The following JAKMIP1 variants were observed in gnomAD, a reference collection of about 807,000 sequenced individuals.
JAKMIP1 encodes janus kinase and microtubule interacting protein 1.
A neutral mutation model predicts 113.0 loss-of-function variants in JAKMIP1; 33 were observed. The ratio of observed to expected loss-of-function variants is 0.29; its 90% CI spans 0.22 to 0.39. JAKMIP1 has a LOEUF of 0.39. Among genes scored for constraint, JAKMIP1 ranks in the 10% least tolerant of loss-of-function variants. The probability of loss-of-function intolerance (pLI) is 1.00; values close to 1 mark genes in which losing one functional copy is unlikely to be tolerated. For missense variants in JAKMIP1, 813 were observed against 1,080.5 expected (o/e 0.75, Z 3.47); for synonymous variants, 480 against 459.9 (o/e 1.04, Z -0.56).
Position 6,104,296 on chromosome 4 carries a change from G to A in JAKMIP1, c.624+1177C>T, listed in dbSNP as rs186471254. Among the ~76,000 whole-genome samples, 11 of 152,246 alleles carry A rather than the reference G, an allele frequency of 7.2e-5. No individual in the cohort carries two copies. The East Asian group carries it at 9.7e-4, about 13-fold the overall frequency. Reference sequence around the variant, plus strand: ...ACTGTTTGCTGAGAGAAGCGTGTTCGTCCCCAACCGTAACTGTGGATTTGT... The same window carrying A: ...ACTGTTTGCTGAGAGAAGCGTGTTCATCCCCAACCGTAACTGTGGATTTGT... On this transcript the variant is annotated intron_variant, in intron 3 of 20. Transcript: ENST00000409021.
chr4:6,133,587 A>C (rs1214543313), intron 1 of JAKMIP1, among the ~76,000 whole-genome samples: 1 of 152,172 alleles, frequency 6.6e-6, no homozygotes, highest in Non-Finnish European at 1.5e-5. Flanking sequence ...AATGCCTGAT[A>C]GTGGGTGGTG....
At chr4:6,182,016 G>A (rs1229820414) in intron 1 of JAKMIP1, among the ~76,000 whole-genome samples, 1 of 152,132 alleles carries the variant, frequency 6.6e-6, no homozygotes, top group Non-Finnish European at 1.5e-5. Flanking sequence ...ACAGTGTTAT[G>A]GAGTGAATGT....
At chr4:6,118,003 AG>A (rs1189828981) in intron 1 of JAKMIP1, among the ~76,000 whole-genome samples, 14 of 152,332 alleles carry the variant, frequency 9.2e-5, no homozygotes, top group African/African-American at 3.4e-4. Flanking sequence ...CAATTATTAC[AG>A]GGTCCTGAGA....
intron 1 of JAKMIP1, among the ~76,000 whole-genome samples, chr4:6,191,255 C>T (rs951034977): frequency 2.0e-5 from 3 of 152,186 alleles, no homozygotes; most frequent in African/African-American, 7.2e-5. Context: ...TCTACCCCTG[C>T]GCTCCTCACC....
intron 1 of JAKMIP1, among the ~76,000 whole-genome samples, chr4:6,147,155 T>G (rs2108974002): frequency 6.6e-6 from 1 of 152,160 alleles, no homozygotes; most frequent in South Asian, 2.1e-4. Context: ...AGAGACAGGG[T>G]TTCACCATGT....
rs1717838607 is a variant in JAKMIP1 at position 6,064,910 on chromosome 4, G to T, written c.1401C>A (p.Thr467=). Residue 467 remains threonine (T), a synonymous_variant, in exon 9 of 21, where the codon ACC becomes ACA. Transcript: ENST00000409021. This position sits in a 1 kb window ranked among gnomAD's most constrained non-coding sequence, Gnocchi z 4.3. Reference sequence around the variant, plus strand: ...CCAAGTCTTCTTCGGGCGTGGCTGGGGTCCTGTCTGTCCTGTCTGTGTTGT... The same window carrying T: ...CCAAGTCTTCTTCGGGCGTGGCTGGTGTCCTGTCTGTCCTGTCTGTGTTGT... ...TSYNTDRTDR[T]PATPEEDLDD... 1.2e-6 allele frequency: 2 copies of T among 1,613,984 alleles called. No homozygotes were observed. The highest frequency in any genetic ancestry group is 1.3e-5 in the African/African-American group (1 of 74,882).
At chr4:6,113,917 G>A (rs1421664661) in intron 1 of JAKMIP1, among the ~76,000 whole-genome samples, 4 of 150,898 alleles carry the variant, frequency 2.7e-5, no homozygotes, top group Non-Finnish European at 6.0e-5. Context: ...ATCAGGATCC[G>A]CCAGGTGCGT....
At chr4:6,036,701 AG>A (rs1282190334) in intron 18 of JAKMIP1, among the ~76,000 whole-genome samples, 1 of 152,244 alleles carries the variant, frequency 6.6e-6, no homozygotes, top group African/African-American at 2.4e-5. Flanking sequence ...TCATCATTAC[AG>A]GATGTTACTC....
chr4:6,094,253 C>T lies in JAKMIP1; in HGVS notation c.625-8624G>A, dbSNP rs1462959784. Among the ~76,000 whole-genome samples the T allele has an allele frequency of 6.6e-6, 1 of 152,244 alleles. No individual in the cohort carries two copies. The highest frequency in any genetic ancestry group is 2.4e-5 in the African/African-American group (1 of 41,458). On this transcript the variant is annotated intron_variant, in intron 3 of 20. Coordinates refer to ENST00000409021, the MANE Select transcript of JAKMIP1 (RefSeq NM_001099433.2). The surrounding 1 kb of genome is among the most constrained non-coding windows in gnomAD (Gnocchi z 4.2). The stretch of plus-strand genomic sequence containing the variant: ...CTGGGTCTAGCTCACAGCAGGTGCT[C>T]ACCAAATGGAGTGCCCGGAAAATAT...
At chr4:6,161,389 C>T (rs1373681263) in intron 1 of JAKMIP1, among the ~76,000 whole-genome samples, 2 of 152,156 alleles carry the variant, frequency 1.3e-5, no homozygotes, top group Non-Finnish European at 2.9e-5. Flanking sequence ...TATCTGGCTG[C>T]CCCGTGGGCT....
Position 6,049,797 on chromosome 4 carries a change from G to C in JAKMIP1, c.1962+22C>G, listed in dbSNP as rs1451370986. 1.3e-6 allele frequency: 2 copies of C among 1,592,522 alleles called. No homozygotes were observed. Among genetic ancestry groups the C allele is most frequent in the Non-Finnish European group, 8.6e-7 (1 of 1,160,904 alleles). On this transcript the variant is annotated intron_variant, in intron 15 of 20. Coordinates refer to ENST00000409021, the MANE Select transcript of JAKMIP1 (RefSeq NM_001099433.2). The surrounding 1 kb of genome is among the most constrained non-coding windows in gnomAD (Gnocchi z 7.0). Reference sequence around the variant, plus strand: ...AGATCAAAACAAGAACACGAAAGCAGAAACCGATCGCTCATAGTTACCCCG... The same window carrying C: ...AGATCAAAACAAGAACACGAAAGCACAAACCGATCGCTCATAGTTACCCCG...
chr4:6,060,705 A>G (rs991688962), intron 10 of JAKMIP1, among the ~76,000 whole-genome samples, 198 bp from the exon 11 acceptor site: 1 of 152,256 alleles, frequency 6.6e-6, no homozygotes, highest in African/African-American at 2.4e-5. Flanking sequence ...ATCATTAAGA[A>G]GAGAACAGCC....
At position 6,179,779 on chromosome 4, in the gene JAKMIP1, T is replaced by A. The variant is rs1471641365; in HGVS notation, c.-148+20474A>T. Among the ~76,000 whole-genome samples, 1 of 152,154 alleles carries A rather than the reference T, an allele frequency of 6.6e-6. No homozygotes were observed. Among genetic ancestry groups the A allele is most frequent in the Non-Finnish European group, 1.5e-5 (1 of 68,022 alleles). ...GCTGGGTACACCTCATCTCAATCCA[T>A]CCTCAAAGCCTCCTTGTAAAACAGG... On this transcript the variant is annotated intron_variant, in intron 1 of 20. Transcript: ENST00000409021. This position sits in a 1 kb window ranked among gnomAD's most constrained non-coding sequence, Gnocchi z 4.5.
At position 6,112,745 on chromosome 4, in the gene JAKMIP1, C is replaced by T. The variant is rs1715152218; in HGVS notation, c.106G>A (p.Glu36Lys). The T allele has an allele frequency of 1.9e-6, 3 of 1,613,978 alleles. No homozygotes were observed. Among genetic ancestry groups the T allele is most frequent in the Non-Finnish European group, 2.5e-6 (3 of 1,179,994 alleles). ...LRAKLTSIQI[E>K]FQQEKSKVGK... ...ACCTTGCTTTTTTCCTGCTGGAACT[C>T]GATCTGAATGCTGGTCAGCTTGGCC... Residue 36 changes from glutamate (E) to lysine (K), a missense_variant, in exon 2 of 21, where the codon GAG (glutamate) becomes AAG (lysine). Glu to Lys is a moderately conservative substitution (Grantham distance 56, BLOSUM62 1). Around this residue, in one of 2 missense-constraint regions of JAKMIP1, gnomAD observed 540 missense variants for 653.9 expected, o/e 0.83. Transcript: ENST00000409021.
At chr4:6,100,485 A>G (rs1253533865) in intron 3 of JAKMIP1, among the ~76,000 whole-genome samples, 2 of 152,196 alleles carry the variant, frequency 1.3e-5, no homozygotes, top group South Asian at 2.1e-4. Flanking sequence ...CCATTCACCA[A>G]CTGAGGACAT....
At chr4:6,055,362 G>C (rs1211731456) in intron 12 of JAKMIP1, among the ~76,000 whole-genome samples, 1 of 152,126 alleles carries the variant, frequency 6.6e-6, no homozygotes, top group Non-Finnish European at 1.5e-5. Flanking sequence ...AAGAATAAGT[G>C]AATTGTACAC....
Position 6,112,746 on chromosome 4 carries a change from G to C in JAKMIP1, c.105C>G (p.Ile35Met). ...CCTTGCTTTTTTCCTGCTGGAACTC[G>C]ATCTGAATGCTGGTCAGCTTGGCCC... ...ELRAKLTSIQ[I>M]EFQQEKSKVG... Residue 35 changes from isoleucine (I) to methionine (M), a missense_variant, in exon 2 of 21, where the codon ATC becomes ATG. Around this residue, in one of 2 missense-constraint regions of JAKMIP1, gnomAD observed 540 missense variants for 653.9 expected, o/e 0.83. Transcript: ENST00000409021. 1 of 1,613,902 alleles carries C rather than the reference G, an allele frequency of 6.2e-7. No homozygotes were observed. Among genetic ancestry groups the C allele is most frequent in the Non-Finnish European group, 8.5e-7 (1 of 1,179,990 alleles).
At position 6,191,234 on chromosome 4, in the gene JAKMIP1, C is replaced by T. The variant is rs372223349; in HGVS notation, c.-148+9019G>A. Among the ~76,000 whole-genome samples the T allele has an allele frequency of 7.2e-5, 11 of 152,334 alleles. No individual in the cohort carries two copies. The East Asian group carries it at 1.7e-3, about 24-fold the overall frequency. On this transcript the variant is annotated intron_variant, in intron 1 of 20. Coordinates refer to ENST00000409021, the MANE Select transcript of JAKMIP1 (RefSeq NM_001099433.2). ...ACCCCAGTGTGTGTCAGGCTCCAGA[C>T]TCCAGACAGCTCTACCCCTGCGCTC...
intron 1 of JAKMIP1, among the ~76,000 whole-genome samples, chr4:6,163,110 C>T (rs1337805599): frequency 6.6e-6 from 1 of 152,214 alleles, no homozygotes; most frequent in Admixed American, 6.5e-5. Context: ...CTGAGGCTCC[C>T]ATGATGGAGG....
Sources: gnomAD v4.1 joint callset for allele counts (sites outside exome capture counted in the v4.1 genomes callset) on GRCh38, gnomAD v4.1.1 for gene constraint, gnomAD v4.1.1 regional missense constraint, Gnocchi (gnomAD v3.1) non-coding constraint, MANE v1.5 for transcripts, NCBI Gene and HGNC (gene_info 2026-07-23, HGNC 2026-07-21) for gene names.